Variants in INPP5F observed in about 807,000 individuals in gnomAD.
The protein encoded by INPP5F is phosphatidylinositide 4-phosphatase SAC2.
A neutral mutation model predicts 137.2 loss-of-function variants in INPP5F; 97 were observed. The ratio of observed to expected loss-of-function variants is 0.71; its 90% CI spans 0.60 to 0.84. INPP5F has a LOEUF of 0.84. Among genes scored for constraint, INPP5F ranks in the 40% least tolerant of loss-of-function variants. The pLI, the probability that INPP5F is intolerant of heterozygous loss-of-function variation, is 0.00. For missense variants in INPP5F, 1,271 were observed against 1,371.9 expected (o/e 0.93, Z 1.16); for synonymous variants, 504 against 476.9 (o/e 1.06, Z -0.74).
At chr10:119,767,394 A>T (rs1211147974) in intron 2 of INPP5F, among the ~76,000 whole-genome samples, 2 of 152,184 alleles carry the variant, frequency 1.3e-5, no homozygotes, top group East Asian at 3.8e-4. Flanking sequence ...GTAAATTAGG[A>T]TTCATGTTAT....
intron 2 of INPP5F, among the ~76,000 whole-genome samples, chr10:119,763,274 G>T (rs1849058747): frequency 6.6e-6 from 1 of 152,168 alleles, no homozygotes. Context: ...CTGAGGTGGG[G>T]GCCCTGCCTC....
chr10:119,780,032 C>T (rs1849652269), intron 2 of INPP5F, among the ~76,000 whole-genome samples: 1 of 152,076 alleles, frequency 6.6e-6, no homozygotes, highest in African/African-American at 2.4e-5. Context: ...CTATCACTAG[C>T]AGTGCAGTAG....
intron 15 of INPP5F, among the ~76,000 whole-genome samples, chr10:119,820,269 G>A (rs947441279): frequency 2.0e-5 from 3 of 152,092 alleles, no homozygotes; most frequent in Non-Finnish European, 2.9e-5. Flanking sequence ...GTATAAATAT[G>A]GCAAAATGGA....
At chr10:119,754,878 G>C (rs1233462545) in intron 2 of INPP5F, among the ~76,000 whole-genome samples, 1 of 152,178 alleles carries the variant, frequency 6.6e-6, no homozygotes, top group East Asian at 1.9e-4. Context: ...TGCTGTGTGT[G>C]AGAAAGAATT....
Position 119,806,222 on chromosome 10 carries a change from A to T in INPP5F, c.1320-138A>T, listed in dbSNP as rs913326017. On this transcript the variant is annotated intron_variant, in intron 11 of 19. Coordinates refer to ENST00000650623, the MANE Select transcript of INPP5F (RefSeq NM_014937.4). ...AACAATGATGTCTATAAATGACTCAATAATGCATAGCATATAAAGATACAC... is the reference window on the plus strand; with the variant it reads ...AACAATGATGTCTATAAATGACTCATTAATGCATAGCATATAAAGATACAC... 13 of 527,414 alleles carry T rather than the reference A, an allele frequency of 2.5e-5. No homozygotes were observed. In the East Asian group the frequency reaches 4.0e-4, roughly 16 times the overall value. 32.7% of individuals were successfully genotyped at this position (527,414 alleles called of 1,614,324 possible). A position where few individuals can be genotyped will look rare whatever the true frequency, so the allele number is the denominator to read the frequency against.
chr10:119,790,017 CT>C (rs1850080963), intron 3 of INPP5F, among the ~76,000 whole-genome samples: 1 of 108,612 alleles, frequency 9.2e-6, no homozygotes, highest in African/African-American at 3.6e-5. Flanking sequence ...CAGACAGCAG[CT>C]TGGGAGAGTG....
Position 119,731,883 on chromosome 10 carries a change from G to T in INPP5F, c.97+5524G>T, listed in dbSNP as rs575232396. Among the ~76,000 whole-genome samples, 3 of 152,172 alleles carry T rather than the reference G, an allele frequency of 2.0e-5. No homozygotes were observed. In the East Asian group the frequency reaches 5.8e-4, roughly 29 times the overall value. On this transcript the variant is annotated intron_variant, in intron 1 of 19. Coordinates refer to ENST00000650623, the MANE Select transcript of INPP5F (RefSeq NM_014937.4). ...ACTCCATATTTTATATTGCTGACAG[G>T]CTAACAGTTGGGTTGAATAGATCTG...
intron 1 of INPP5F, among the ~76,000 whole-genome samples, chr10:119,742,214 G>C (rs996096821): frequency 2.0e-5 from 3 of 149,364 alleles, no homozygotes; most frequent in African/African-American, 7.4e-5. Context: ...GGAGTGCAGT[G>C]GCGCGATCTC....
chr10:119,743,667 G>C (rs1848442186), intron 1 of INPP5F, among the ~76,000 whole-genome samples: 2 of 147,216 alleles, frequency 1.4e-5, no homozygotes, highest in South Asian at 4.9e-4. Context: ...GGCGGGGGGG[G>C]GGATGGAAAG....
In INPP5F at chr10:119,827,238, G is replaced by A. The variant is rs924382973; in HGVS notation, c.2857G>A (p.Ala953Thr). 6.2e-7 allele frequency: 1 copy of A among 1,613,956 alleles called. No individual in the cohort carries two copies. The highest frequency in any genetic ancestry group is 1.3e-5 in the African/African-American group (1 of 74,922). ...AGDVHILTGF[A>T]KPMDIYCHRF... is the part of the protein sequence containing the mutation. ...CGACGTACACATATTGACTGGCTTT[G>A]CCAAGCCTATGGATATTTACTGCCA... is the stretch of plus-strand genomic sequence containing the variant. Residue 953 changes from alanine to threonine, a missense_variant, in exon 20 of 20, where the codon GCC becomes ACC. Physicochemically the swap from Ala to Thr is moderately conservative, Grantham distance 58. Around this residue, in one of 6 missense-constraint regions of INPP5F, gnomAD observed 490 missense variants for 443.7 expected, o/e 1.10. Coordinates refer to ENST00000650623, the MANE Select transcript of INPP5F (RefSeq NM_014937.4).
intron 15 of INPP5F, among the ~76,000 whole-genome samples, chr10:119,812,435 A>G (rs893381207): frequency 1.3e-5 from 2 of 151,678 alleles, no homozygotes; most frequent in African/African-American, 4.8e-5. Context: ...ATATCAATGA[A>G]TAGTGGGATC....
At chr10:119,804,141 A>C in intron 9 of INPP5F, 32 bp from the exon 10 acceptor site, 1 of 1,507,654 alleles carries the variant, frequency 6.6e-7, no homozygotes, top group Non-Finnish European at 9.0e-7. Flanking sequence ...CTAAAATCTA[A>C]CTAAATTTTT....
In INPP5F at chr10:119,806,404, G is replaced by A. The variant is rs1325378020; in HGVS notation, c.1364G>A (p.Arg455His). ...GVICKQEGIF[R>H]VNCMDCLDRT... Reference sequence around the variant, plus strand: ...ATATGTAAGCAGGAAGGGATTTTTCGTGTTAATTGTATGGACTGCCTGGAT... The same window carrying A: ...ATATGTAAGCAGGAAGGGATTTTTCATGTTAATTGTATGGACTGCCTGGAT... Residue 455 changes from arginine to histidine, a missense_variant, in exon 12 of 20, where the codon CGT becomes CAT. This residue lies in a region of INPP5F where 593 missense variants were observed against 712.4 expected (regional missense o/e 0.83). Transcript: ENST00000650623. The A allele has an allele frequency of 2.5e-6, 4 of 1,605,164 alleles. No homozygotes were observed. The highest frequency in any genetic ancestry group is 2.2e-5 in the South Asian group (2 of 89,190).
intron 3 of INPP5F, among the ~76,000 whole-genome samples, chr10:119,785,302 T>TTTTTTTTTTTTTG (rs1554889600): frequency 6.8e-6 from 1 of 147,632 alleles, no homozygotes; most frequent in African/African-American, 2.5e-5. Context: ...TTTTTTTTTT[T>TTTTTTTTTTTTTG]GGAGACGGAG....
In INPP5F at chr10:119,726,108, C is replaced by T. The variant is rs1208524862; in HGVS notation, c.-155C>T. The T allele has an allele frequency of 2.3e-5, 9 of 397,848 alleles. No homozygotes were observed. In the East Asian group the frequency reaches 3.8e-4, roughly 17 times the overall value. The allele number at this position is 397,848 out of a possible 1,614,324, so 24.6% of individuals were successfully genotyped here. ...CTGCCGGGGCGCGTTCTCCTCCTAC[C>T]GGTCGGGTGCCCCGGGGCGTTCCCT... is the stretch of plus-strand genomic sequence containing the variant. On this transcript the variant is annotated 5_prime_UTR_variant, in exon 1 of 20. Coordinates refer to ENST00000650623, the MANE Select transcript of INPP5F (RefSeq NM_014937.4).
At chr10:119,763,461 G>C (rs549966425) in intron 2 of INPP5F, among the ~76,000 whole-genome samples, 6 of 152,336 alleles carry the variant, frequency 3.9e-5, no homozygotes, top group Admixed American at 1.3e-4. Flanking sequence ...TTCTGCCTTT[G>C]TCTTGAAGAA....
chr10:119,818,651 A>C (rs2134283386), intron 15 of INPP5F: 2 of 152,482 alleles, frequency 1.3e-5, no homozygotes, highest in Admixed American at 6.5e-5. Flanking sequence ...CGAGGACGGA[A>C]GTGGGCGTCC....
chr10:119,792,630 T>C (rs537324188), intron 6 of INPP5F, among the ~76,000 whole-genome samples: 1 of 149,580 alleles, frequency 6.7e-6, no homozygotes, highest in Non-Finnish European at 1.5e-5. Flanking sequence ...GGAATTGGAA[T>C]AGCCAAATCT....
chr10:119,819,987 CT>C (rs1281418109), intron 15 of INPP5F, among the ~76,000 whole-genome samples: 1 of 152,158 alleles, frequency 6.6e-6, no homozygotes, highest in Non-Finnish European at 1.5e-5. Context: ...GAAATGTCGG[CT>C]TTCTTACAGT....
Sources: gnomAD v4.1 joint callset for allele counts (sites outside exome capture counted in the v4.1 genomes callset) on GRCh38, gnomAD v4.1.1 for gene constraint, gnomAD v4.1.1 regional missense constraint, MANE v1.5 for transcripts, NCBI Gene and HGNC (gene_info 2026-07-23, HGNC 2026-07-21) for gene names.